The following RIT2 variants were observed in gnomAD, a reference collection of about 807,000 sequenced individuals.
RIT2 encodes GTP-binding protein Rit2.
RIT2 carries 24 observed loss-of-function variants against 23.7 expected under a neutral mutation model. The observed-to-expected ratio is 1.01, with a 90% CI of 0.73 to 1.43. RIT2 has a LOEUF of 1.43. Among genes scored for constraint, RIT2 ranks in the 40% most tolerant of loss-of-function variants. The pLI is 0.00. For synonymous variants in RIT2, 107 were observed against 91.1 expected (o/e 1.17, Z -0.99); for missense variants, 236 against 266.9 (o/e 0.88, Z 0.81).
chr18:42,806,822 A>G (rs932489379), intron 4 of RIT2, among the ~76,000 whole-genome samples: 5 of 152,258 alleles, frequency 3.3e-5, no homozygotes, highest in African/African-American at 1.2e-4. Context: ...AAAGGCTAAT[A>G]GTTATAAAAT....
intron 1 of RIT2, among the ~76,000 whole-genome samples, chr18:43,043,606 C>T (rs1912178822): frequency 6.6e-6 from 1 of 152,044 alleles, no homozygotes; most frequent in Non-Finnish European, 1.5e-5. Flanking sequence ...GCCTGACCAA[C>T]ATGGAGAAAC....
intron 3 of RIT2, among the ~76,000 whole-genome samples, chr18:42,929,668 C>T (rs538076919): frequency 6.6e-6 from 1 of 152,146 alleles, no homozygotes; most frequent in South Asian, 2.1e-4. Context: ...GCTACTTGTT[C>T]AAAAATAATT....
chr18:43,066,697 C>T (rs917373215), intron 1 of RIT2, among the ~76,000 whole-genome samples: 6 of 151,934 alleles, frequency 3.9e-5, no homozygotes, highest in Admixed American at 6.6e-5. Flanking sequence ...GACAAGGAAG[C>T]GCCATTTAAC....
chr18:42,875,585 CATGTAGCTGAACT>C (rs1400895670), intron 4 of RIT2, among the ~76,000 whole-genome samples: 2 of 152,010 alleles, frequency 1.3e-5, no homozygotes, highest in East Asian at 3.9e-4. Context: ...ATGCTGAGTT[CATGTAGCTGAACT>C]ATTGTTTAAA....
intron 2 of RIT2, among the ~76,000 whole-genome samples, chr18:43,008,882 T>A (rs1440116716): frequency 1.3e-5 from 2 of 151,696 alleles, no homozygotes; most frequent in Admixed American, 6.6e-5. Context: ...AATTTTTATT[T>A]TCTAGCTATA....
At chr18:42,865,512 T>C (rs1465544725) in intron 4 of RIT2, among the ~76,000 whole-genome samples, 2 of 152,190 alleles carry the variant, frequency 1.3e-5, no homozygotes, top group Non-Finnish European at 2.9e-5. Context: ...TATTATACTT[T>C]CTAGATATGA....
chr18:42,923,328 G>A (rs547843772), intron 4 of RIT2: 3 of 466,578 alleles, frequency 6.4e-6, no homozygotes, highest in East Asian at 7.3e-5. Flanking sequence ...ACTGTATTCA[G>A]TATACAATCC....
At chr18:42,820,946 GTAT>G (rs762658595) in intron 4 of RIT2, among the ~76,000 whole-genome samples, 88 of 152,116 alleles carry the variant, frequency 5.8e-4, no homozygotes, top group Non-Finnish European at 8.2e-4. Context: ...TCTCCCCATG[GTAT>G]TGAATTCACA....
intron 1 of RIT2, among the ~76,000 whole-genome samples, chr18:43,093,641 T>A (rs1302710191): frequency 6.6e-6 from 1 of 151,974 alleles, no homozygotes; most frequent in African/African-American, 2.4e-5. Context: ...AATGCTTTCT[T>A]CTGAGTTGAA....
At chr18:42,904,170 GA>G (rs1368642616) in intron 4 of RIT2, among the ~76,000 whole-genome samples, 30 of 152,098 alleles carry the variant, frequency 2.0e-4, no homozygotes, top group African/African-American at 6.7e-4. Flanking sequence ...TTACATAATG[GA>G]AAAAAGTACT....
intron 2 of RIT2, among the ~76,000 whole-genome samples, chr18:43,025,079 G>A (rs188706257): frequency 8.6e-5 from 13 of 151,844 alleles, no homozygotes; most frequent in Admixed American, 3.3e-4. Context: ...ATTGTGGCAC[G>A]TGCCTGTAAT....
At chr18:42,986,646 T>G (rs1340365381) in intron 2 of RIT2, among the ~76,000 whole-genome samples, 2 of 151,582 alleles carry the variant, frequency 1.3e-5, no homozygotes, top group Non-Finnish European at 2.9e-5. Context: ...GGACTATAGG[T>G]GTGTGCAACC....
intron 3 of RIT2, among the ~76,000 whole-genome samples, chr18:42,969,626 G>A (rs1399917895): frequency 2.0e-5 from 3 of 151,514 alleles, no homozygotes; most frequent in African/African-American, 7.3e-5. Flanking sequence ...AGCCAGGTAT[G>A]GGGCAAGACT....
intron 4 of RIT2, among the ~76,000 whole-genome samples, chr18:42,807,224 C>G (rs1905708927): frequency 6.6e-6 from 1 of 152,146 alleles, no homozygotes; most frequent in African/African-American, 2.4e-5. Context: ...AGACATGGAC[C>G]TTAGACTCCT....
intron 4 of RIT2, among the ~76,000 whole-genome samples, chr18:42,748,203 A>G (rs1912963696): frequency 6.6e-6 from 1 of 152,058 alleles, no homozygotes; most frequent in Non-Finnish European, 1.5e-5. Context: ...CAAAAGACTA[A>G]TATCCACAAT....
At chr18:43,087,197 A>T (rs980983289) in intron 1 of RIT2, among the ~76,000 whole-genome samples, 3 of 152,040 alleles carry the variant, frequency 2.0e-5, no homozygotes, top group Non-Finnish European at 4.4e-5. Context: ...AGCTGAGATC[A>T]CACCACTGCA....
intron 3 of RIT2, among the ~76,000 whole-genome samples, chr18:42,942,095 T>C (rs1251094740): frequency 6.6e-6 from 1 of 151,820 alleles, no homozygotes; most frequent in Admixed American, 6.6e-5. Context: ...TTATCTTAAT[T>C]GTTCAAGTAA....
At chr18:43,048,332 G>A (rs1001067489) in intron 1 of RIT2, among the ~76,000 whole-genome samples, 28 of 152,174 alleles carry the variant, frequency 1.8e-4, no homozygotes, top group African/African-American at 6.5e-4. Flanking sequence ...ATAAATAAAT[G>A]CATCAAATAT....
intron 4 of RIT2, among the ~76,000 whole-genome samples, chr18:42,788,127 A>C (rs1428898577): frequency 6.6e-6 from 1 of 152,120 alleles, no homozygotes; most frequent in Non-Finnish European, 1.5e-5. Flanking sequence ...TTGCAAACAA[A>C]AATATTTGTT....
Sources: allele counts gnomAD v4.1 joint callset (sites outside exome capture counted in the v4.1 genomes callset), GRCh38; gene constraint gnomAD v4.1.1; transcripts MANE v1.5; gene names NCBI Gene and HGNC (gene_info 2026-07-23, HGNC 2026-07-21).